TBX15: variants seen among roughly 807,000 people sequenced by gnomAD.
The protein encoded by TBX15 is T-box transcription factor 15.
In TBX15, 18 loss-of-function variants were observed where a neutral mutation model predicts 53.9. The observed-to-expected ratio is 0.33, with a 90% CI of 0.23 to 0.49. The LOEUF is 0.49. TBX15 is among the 20% of genes least tolerant of loss of function. The pLI is 0.98. For synonymous variants in TBX15, 295 were observed against 278.0 expected (o/e 1.06, Z -0.61); for missense variants, 692 against 749.5 (o/e 0.92, Z 0.90).
intron 7 of TBX15, among the ~76,000 whole-genome samples, chr1:118,887,341 G>T (rs1161168786): frequency 6.6e-6 from 1 of 152,192 alleles, no homozygotes; most frequent in Non-Finnish European, 1.5e-5. Flanking sequence ...AGGTATAAAA[G>T]AGCAGGAATA....
intron 6 of TBX15, among the ~76,000 whole-genome samples, chr1:118,906,250 T>C (rs969501962): frequency 6.6e-6 from 1 of 152,336 alleles, no homozygotes; most frequent in Non-Finnish European, 1.5e-5. Context: ...TTTAACTTAA[T>C]AGATAAAGGT....
chr1:118,946,060 T>C (rs1209058263), intron 1 of TBX15, among the ~76,000 whole-genome samples: 1 of 152,118 alleles, frequency 6.6e-6, no homozygotes, highest in Admixed American at 6.6e-5. Flanking sequence ...CAAATTACAA[T>C]AAAGTATACA....
chr1:118,956,411 T>C (rs748355822), intron 1 of TBX15, among the ~76,000 whole-genome samples: 2 of 152,156 alleles, frequency 1.3e-5, no homozygotes, highest in African/African-American at 4.8e-5. Context: ...TATTTATATA[T>C]AAATGTTTAT....
chr1:118,967,840 C>T (rs1009800569), intron 1 of TBX15, among the ~76,000 whole-genome samples: 1 of 152,168 alleles, frequency 6.6e-6, no homozygotes, highest in Non-Finnish European at 1.5e-5. Context: ...GTTTCATTTT[C>T]CATGACCTCT....
At chr1:118,961,067 AGGACTG>A (rs1025941409) in intron 1 of TBX15, among the ~76,000 whole-genome samples, 1 of 152,162 alleles carries the variant, frequency 6.6e-6, no homozygotes, top group African/African-American at 2.4e-5. Context: ...GTGGCCCCCA[AGGACTG>A]GGAATTCATG....
chr1:118,893,466 A>AAAGG (rs879291100), intron 7 of TBX15, among the ~76,000 whole-genome samples: 3,494 of 97,164 alleles, frequency 0.036, 152 homozygotes, highest in East Asian at 0.081. Flanking sequence ...GGAAGGAAAG[A>AAAGG]AAGGAAGGAA....
chr1:118,917,502 C>T (rs1250396431), intron 5 of TBX15, among the ~76,000 whole-genome samples: 3 of 152,118 alleles, frequency 2.0e-5, no homozygotes, highest in African/African-American at 7.2e-5. Flanking sequence ...AGGTGCAGCA[C>T]ACTACCATGG....
chr1:118,915,807 G>A (rs1159741546), intron 5 of TBX15, among the ~76,000 whole-genome samples: 3 of 152,156 alleles, frequency 2.0e-5, no homozygotes, highest in Non-Finnish European at 2.9e-5. Flanking sequence ...ACACATGACT[G>A]TGATACCATG....
At chr1:118,889,313 T>G (rs1654054481) in intron 7 of TBX15, among the ~76,000 whole-genome samples, 1 of 152,154 alleles carries the variant, frequency 6.6e-6, no homozygotes, top group Non-Finnish European at 1.5e-5. Flanking sequence ...TTGTCGAATG[T>G]TAAACAAGAT....
chr1:118,939,829 A>G (rs1656110410), intron 1 of TBX15, among the ~76,000 whole-genome samples: 1 of 151,956 alleles, frequency 6.6e-6, no homozygotes, highest in South Asian at 2.1e-4. Context: ...AATGAAAAAA[A>G]GGAAGAGAAG....
At chr1:118,899,002 G>T in intron 7 of TBX15, 26 bp downstream of exon 7, 2 of 1,610,888 alleles carry the variant, frequency 1.2e-6, no homozygotes, top group Non-Finnish European at 1.7e-6. Context: ...CTATCACTAA[G>T]CAGAGGCCTT....
chr1:118,893,326 G>GAA (rs1403228541), intron 7 of TBX15, among the ~76,000 whole-genome samples: 9 of 90,460 alleles, frequency 9.9e-5, no homozygotes, highest in Non-Finnish European at 2.1e-5. Flanking sequence ...AAGAAAGAAA[G>GAA]AAGAAAGAAG....
chr1:118,908,776 A>ACACT (rs1654927100), intron 6 of TBX15, among the ~76,000 whole-genome samples: 1 of 151,892 alleles, frequency 6.6e-6, no homozygotes, highest in South Asian at 2.1e-4. Flanking sequence ...ACACACACAC[A>ACACT]CACTCACACA....
intron 1 of TBX15, among the ~76,000 whole-genome samples, chr1:118,970,770 A>G (rs1198862666): frequency 1.3e-5 from 2 of 152,090 alleles, no homozygotes; most frequent in African/African-American, 4.8e-5. Context: ...TTGCTCAGTG[A>G]TTACCCTGTG....
In TBX15 at chr1:118,895,475, A is replaced by G. The variant is rs138623208; in HGVS notation, c.1024+3553T>C. Among the ~76,000 whole-genome samples the G allele has an allele frequency of 6.2e-4, 94 of 152,324 alleles. 1 individual carries two copies. The highest frequency in any genetic ancestry group is 4.1e-3 in the East Asian group (21 of 5,180). On this transcript the variant is annotated intron_variant, in intron 7 of 7. Transcript: ENST00000369429. Reference sequence around the variant, plus strand: ...TGAGGCACAGATTTTATTCAAGTATATCCATCAGAACAACAACAGGATTGC... The same window carrying G: ...TGAGGCACAGATTTTATTCAAGTATGTCCATCAGAACAACAACAGGATTGC...
rs868328989 is a variant in TBX15 at position 118,885,027 on chromosome 1, G to A, written c.1514C>T (p.Ser505Phe). ...GTTGTGAAGGGAGAAGGCATTGTAG[G>A]AGCTCTGCTGCATGTGGCTGCCCCC... ...MFGGSHMQQS[S>F]YNAFSLHNPY... Residue 505 changes from serine to phenylalanine, a missense_variant, in exon 8 of 8, where the codon TCC (serine) becomes TTC (phenylalanine). Transcript: ENST00000369429. 2 of 1,614,142 alleles carry A rather than the reference G, an allele frequency of 1.2e-6. No individual in the cohort carries two copies. Among genetic ancestry groups the A allele is most frequent in the Non-Finnish European group, 1.7e-6 (2 of 1,180,016 alleles).
At chr1:118,978,769 A>T (rs1313805434) in intron 1 of TBX15, among the ~76,000 whole-genome samples, 2 of 152,238 alleles carry the variant, frequency 1.3e-5, no homozygotes, top group African/African-American at 4.8e-5. Context: ...AAGTTTGTTT[A>T]TACCTTTAAT....
intron 7 of TBX15, among the ~76,000 whole-genome samples, chr1:118,897,052 G>C (rs1654454731): frequency 6.6e-6 from 1 of 152,132 alleles, no homozygotes; most frequent in Non-Finnish European, 1.5e-5. Flanking sequence ...TGAAAGTTCA[G>C]TTTATTTGAA....
chr1:118,925,432 A>T (rs1655562158), intron 3 of TBX15, among the ~76,000 whole-genome samples: 1 of 152,206 alleles, frequency 6.6e-6, no homozygotes, highest in South Asian at 2.1e-4. Context: ...AAATACTCCC[A>T]GTTCACATTG....
Sources: gnomAD v4.1 joint callset for allele counts (sites outside exome capture counted in the v4.1 genomes callset) on GRCh38, gnomAD v4.1.1 for gene constraint, MANE v1.5 for transcripts, NCBI Gene and HGNC (gene_info 2026-07-23, HGNC 2026-07-21) for gene names.